Variants in ERICH1 observed in about 807,000 individuals in gnomAD.
ERICH1 encodes the protein glutamate-rich protein 1.
A neutral mutation model predicts 39.6 loss-of-function variants in ERICH1; 56 were observed. The ratio of observed to expected loss-of-function variants is 1.41; its 90% CI spans 1.14 to 1.77. The LOEUF (loss-of-function observed/expected upper bound fraction) is 1.77. Ranked by LOEUF, ERICH1 falls within the 40% of genes most tolerant of loss-of-function variation. ERICH1 has a pLI of 0.00. For synonymous variants in ERICH1, 313 were observed against 223.6 expected (o/e 1.40, Z -3.57); for missense variants, 826 against 575.4 (o/e 1.44, Z -4.45).
chr8:622,040 A>G (rs1163324364), intron 3 of ERICH1, among the ~76,000 whole-genome samples: 2 of 152,066 alleles, frequency 1.3e-5, no homozygotes, highest in African/African-American at 2.4e-5. Flanking sequence ...CACAGTGACA[A>G]CACCTCTACA....
intron 2 of ERICH1, 47 bp downstream of exon 2, chr8:715,814 G>A: frequency 1.3e-6 from 2 of 1,577,484 alleles, no homozygotes; most frequent in Non-Finnish European, 1.7e-6. Flanking sequence ...GATGACGGAG[G>A]TTAACTTCAG....
At chr8:627,092 C>A (rs551155580) in intron 3 of ERICH1, 1 of 455,994 alleles carries the variant, frequency 2.2e-6, no homozygotes, top group South Asian at 1.5e-5. Flanking sequence ...CGGGGATGGA[C>A]GTATCCCTAG....
In ERICH1 at chr8:700,263, G is replaced by A. The variant is rs190978784; in HGVS notation, c.170-7651C>T. Among the ~76,000 whole-genome samples, 109 of 54,146 alleles carry A rather than the reference G, an allele frequency of 2.0e-3. 3 individuals are homozygous for A. Among genetic ancestry groups the A allele is most frequent in the East Asian group, 2.9e-3 (4 of 1,356 alleles). 35.5% of individuals were successfully genotyped at this position (54,146 alleles called of 152,430 possible). A position where few individuals can be genotyped will look rare whatever the true frequency, so the allele number is the denominator to read the frequency against. On this transcript the variant is annotated intron_variant, in intron 2 of 5. Transcript: ENST00000262109. ...CGCACAGGCCCGCACACGCGCACAGGCCCGCACAGGCGCACAGACCCGCAC... is the reference window on the plus strand; with the variant it reads ...CGCACAGGCCCGCACACGCGCACAGACCCGCACAGGCGCACAGACCCGCAC...
intron 3 of ERICH1, among the ~76,000 whole-genome samples, chr8:654,732 CCCA>C (rs1181457796): frequency 6.6e-6 from 1 of 152,048 alleles, no homozygotes; most frequent in Admixed American, 6.5e-5. Context: ...TGGAGATGTC[CCCA>C]CAAGGACTTG....
rs184182042 is a variant in ERICH1 at position 651,061 on chromosome 8, G to A, written c.976+17537C>T. Among the ~76,000 whole-genome samples the A allele has an allele frequency of 1.1e-4, 16 of 152,358 alleles. No individual in the cohort carries two copies. The East Asian group carries it at 2.1e-3, about 20-fold the overall frequency. On this transcript the variant is annotated intron_variant, in intron 3 of 3. Transcript: ENST00000522706. ...GGGTTCAGTGGTTTAAGGAAGATGCGTTGTTGGGGAGCCACAGTCCCTGGC... is the reference window on the plus strand; with the variant it reads ...GGGTTCAGTGGTTTAAGGAAGATGCATTGTTGGGGAGCCACAGTCCCTGGC...
In ERICH1 at chr8:673,653, ATCTTCCTCCCTGGTATCTTTAACG is replaced by A. The variant is rs752572556; in HGVS notation, c.675_698del (p.Val226_Asp233del). 6.3e-7 allele frequency: 1 copy of A among 1,599,906 alleles called. No individual in the cohort carries two copies. The highest frequency in any genetic ancestry group is 8.5e-7 in the Non-Finnish European group (1 of 1,175,820). On this transcript the variant is annotated inframe_deletion, in exon 4 of 6. Coordinates refer to ENST00000262109, the MANE Select transcript of ERICH1 (RefSeq NM_207332.3). ...GGTCTTCCTCGCTAGCGTCCGCACC[ATCTTCCTCCCTGGTATCTTTAACG>A]TCTTCCTCCCCGGCCAGTGTCGGGT...
chr8:633,153 T>C (rs191660735), intron 3 of ERICH1, among the ~76,000 whole-genome samples: 7 of 152,154 alleles, frequency 4.6e-5, no homozygotes, highest in African/African-American at 1.2e-4. Flanking sequence ...CGGAAACCAG[T>C]GTGGAGCCCG....
At chr8:694,077 G>C (rs1809578253) in intron 2 of ERICH1, among the ~76,000 whole-genome samples, 1 of 152,186 alleles carries the variant, frequency 6.6e-6, no homozygotes, top group Non-Finnish European at 1.5e-5. Flanking sequence ...CAAATGATGT[G>C]CATTTGATTT....
At chr8:636,660 A>G (rs1443581991) in intron 3 of ERICH1, among the ~76,000 whole-genome samples, 1 of 152,230 alleles carries the variant, frequency 6.6e-6, no homozygotes, top group East Asian at 1.9e-4. Context: ...ACAAAAGCGC[A>G]GTCCAAATAA....
At chr8:713,784 G>A (rs1190135395) in intron 2 of ERICH1, among the ~76,000 whole-genome samples, 3 of 152,140 alleles carry the variant, frequency 2.0e-5, no homozygotes, top group East Asian at 1.9e-4. Context: ...CAGAGACCAC[G>A]CAGCTCTCAG....
At chr8:629,848 G>A (rs575906002) in intron 3 of ERICH1, among the ~76,000 whole-genome samples, 2 of 132,592 alleles carry the variant, frequency 1.5e-5, no homozygotes, top group South Asian at 2.4e-4. Context: ...ACACCCTCCC[G>A]TGACCACCCA....
intron 3 of ERICH1, among the ~76,000 whole-genome samples, chr8:678,082 T>C (rs1349631509): frequency 6.6e-6 from 1 of 152,174 alleles, no homozygotes; most frequent in African/African-American, 2.4e-5. Flanking sequence ...CATAAAATGT[T>C]AAGTTTGTCA....
chr8:722,803 T>C (rs1272733469), intron 1 of ERICH1, among the ~76,000 whole-genome samples: 3 of 152,166 alleles, frequency 2.0e-5, no homozygotes, highest in African/African-American at 7.2e-5. Context: ...ATGAGATCAG[T>C]TCAAAAGGAC....
chr8:694,770 C>G (rs773931845), intron 2 of ERICH1, among the ~76,000 whole-genome samples: 4 of 152,200 alleles, frequency 2.6e-5, no homozygotes, highest in Non-Finnish European at 4.4e-5. Context: ...AGGACACTTA[C>G]GCCTTGCACA....
chr8:686,799 C>T (rs2132009286), intron 3 of ERICH1: 1 of 152,390 alleles, frequency 6.6e-6, no homozygotes, highest in East Asian at 1.9e-4. Context: ...CAGCAGGGCG[C>T]CCCTCCCCTC....
At chr8:718,948 C>T (rs963402716) in intron 1 of ERICH1, among the ~76,000 whole-genome samples, 2 of 152,128 alleles carry the variant, frequency 1.3e-5, no homozygotes, top group Admixed American at 6.5e-5. Flanking sequence ...GTGCATTGTG[C>T]GGCTTCTCTG....
chr8:688,673 G>A (rs549644299), intron 3 of ERICH1, among the ~76,000 whole-genome samples: 1 of 152,244 alleles, frequency 6.6e-6, no homozygotes, highest in Non-Finnish European at 1.5e-5. Flanking sequence ...TAAGAAGAAT[G>A]AGTTAAGCAG....
chr8:638,330 C>T (rs1231984246), intron 3 of ERICH1, among the ~76,000 whole-genome samples: 1 of 152,220 alleles, frequency 6.6e-6, no homozygotes, highest in Non-Finnish European at 1.5e-5. Context: ...GACAGCCACG[C>T]TTGGGCACGT....
At chr8:637,849 A>G (rs62486201) in intron 3 of ERICH1, among the ~76,000 whole-genome samples, 2,476 of 152,284 alleles carry the variant, frequency 0.016, 28 homozygotes, top group Middle Eastern at 0.027. Flanking sequence ...GCCGTGCGAG[A>G]GCACAGCAGC....
Sources: allele counts gnomAD v4.1 joint callset (sites outside exome capture counted in the v4.1 genomes callset), GRCh38; gene constraint gnomAD v4.1.1; transcripts MANE v1.5; gene names NCBI Gene and HGNC (gene_info 2026-07-23, HGNC 2026-07-21).